The following HIVEP1 variants were observed in gnomAD, a reference collection of about 807,000 sequenced individuals.
HIVEP1 encodes the protein zinc finger protein 40.
In HIVEP1, 36 loss-of-function variants were observed where a neutral mutation model predicts 180.0. The ratio of observed to expected loss-of-function variants is 0.20; its 90% CI spans 0.15 to 0.26. The LOEUF (loss-of-function observed/expected upper bound fraction) is 0.26, where lower values mean the gene tolerates loss of function less well. HIVEP1 is among the 10% of genes least tolerant of loss of function. HIVEP1 has a pLI of 1.00. For synonymous variants in HIVEP1, 1,239 were observed against 1,239.0 expected (o/e 1.00, Z 0.00); for missense variants, 3,143 against 3,268.7 (o/e 0.96, Z 0.94).
chr6:12,178,133 A>G, the HIVEP1 span, among the ~76,000 whole-genome samples: 1 of 152,246 alleles, frequency 6.6e-6, no homozygotes, highest in Non-Finnish European at 1.5e-5. Context: ...ATCAAGAGGC[A>G]AAACTTTGGT....
At position 12,015,615 on chromosome 6, in the gene HIVEP1, C is replaced by T. The variant is rs1210796823; in HGVS notation, c.-14C>T. ...AGTTTTTAAGAAGAAAAAGAAGGCC[C>T]TGAGTCAAAGAAGATGCCTCGAACT... On this transcript the variant is annotated 5_prime_UTR_variant, in exon 2 of 9. Transcript: ENST00000379388. 3.7e-6 allele frequency: 6 copies of T among 1,612,680 alleles called. No individual in the cohort carries two copies. Among genetic ancestry groups the T allele is most frequent in the Non-Finnish European group, 3.4e-6 (4 of 1,179,096 alleles).
downstream of HIVEP1, among the ~76,000 whole-genome samples, chr6:12,167,982 CATGT>C (rs1414363446): frequency 2.5e-4 from 26 of 104,784 alleles, no homozygotes; most frequent in African/African-American, 9.5e-4. Context: ...TATACATGTA[CATGT>C]ATATATGTAT....
intron 3 of HIVEP1, among the ~76,000 whole-genome samples, chr6:12,116,365 C>G (rs1432267941): frequency 6.6e-6 from 1 of 152,122 alleles, no homozygotes; most frequent in Non-Finnish European, 1.5e-5. Context: ...CCACTCTGAG[C>G]TGTTCAGCCC....
At chr6:12,209,360 G>A in the HIVEP1 span, among the ~76,000 whole-genome samples, 2 of 152,176 alleles carry the variant, frequency 1.3e-5, no homozygotes, top group Non-Finnish European at 2.9e-5. Context: ...GTGAACCCGG[G>A]AGGCGGAGCT....
Position 12,130,883 on chromosome 6 carries a change from C to T in HIVEP1, c.6326C>T (p.Thr2109Ile). 6.2e-7 allele frequency: 1 copy of T among 1,613,164 alleles called. No individual in the cohort carries two copies. Among genetic ancestry groups the T allele is most frequent in the Non-Finnish European group, 8.5e-7 (1 of 1,179,264 alleles). ...AGCATGTTAAAGAAACACATACGAA[C>T]CCATACAGATGTCCGCCCCTACCAC... ...KPSMLKKHIRTHTDVRPYHCT... is the reference protein window; with the variant it reads ...KPSMLKKHIRIHTDVRPYHCT... The change falls in exon 6 of 9, where the codon ACC becomes ATC. Residue 2109 changes from threonine (T) to isoleucine (I), a missense_variant. Around this residue, in one of 12 missense-constraint regions of HIVEP1, gnomAD observed 126 missense variants for 168.5 expected, o/e 0.75. Coordinates refer to ENST00000379388, the MANE Select transcript of HIVEP1 (RefSeq NM_002114.4).
rs200273183 is a variant in HIVEP1 at position 12,122,437 on chromosome 6, C to T, written c.2642C>T (p.Ser881Leu). 16 of 1,614,186 alleles carry T rather than the reference C, an allele frequency of 9.9e-6. No individual in the cohort carries two copies. In the East Asian group the frequency reaches 1.3e-4, roughly 13 times the overall value. Reference sequence around the variant, plus strand: ...GCTTTCTATGATGATGTCTTTGTATCGGGACCTAACGCTCCTGTGCCCCAG... The same window carrying T: ...GCTTTCTATGATGATGTCTTTGTATTGGGACCTAACGCTCCTGTGCCCCAG... ...IGAFYDDVFVSGPNAPVPQSG... is the reference protein window; with the variant it reads ...IGAFYDDVFVLGPNAPVPQSG... The change falls in exon 4 of 9, where the codon TCG (serine) becomes TTG (leucine). Residue 881 changes from serine (S) to leucine (L), a missense_variant. Ser to Leu is a moderately radical substitution (Grantham distance 145). Around this residue, in one of 12 missense-constraint regions of HIVEP1, gnomAD observed 204 missense variants for 243.7 expected, o/e 0.84. Coordinates refer to ENST00000379388, the MANE Select transcript of HIVEP1 (RefSeq NM_002114.4).
intron 2 of HIVEP1, among the ~76,000 whole-genome samples, chr6:12,039,508 G>C (rs965495502): frequency 6.6e-6 from 1 of 152,156 alleles, no homozygotes; most frequent in African/African-American, 2.4e-5. Context: ...ATTTTCAGGG[G>C]TCATCCTCTG....
At chr6:12,161,291 C>T in intron 7 of HIVEP1, 148 bp from the exon 8 acceptor site, 1 of 739,598 alleles carries the variant, frequency 1.4e-6, no homozygotes, top group Non-Finnish European at 2.2e-6. Context: ...TCCCCAGGGC[C>T]TTCTCAGCCA....
chr6:12,095,525 T>C (rs1265490934), intron 3 of HIVEP1, among the ~76,000 whole-genome samples: 3 of 140,282 alleles, frequency 2.1e-5, no homozygotes, highest in Non-Finnish European at 3.1e-5. Context: ...ATGGGGATCT[T>C]ATTTATTTTT....
At chr6:12,010,533 G>A (rs1259953807), upstream of HIVEP1, among the ~76,000 whole-genome samples, 4 of 152,134 alleles carry the variant, frequency 2.6e-5, no homozygotes, top group Admixed American at 2.6e-4. Flanking sequence ...CAGATGGCCA[G>A]CTGTCTTAGT....
intron 7 of HIVEP1, among the ~76,000 whole-genome samples, chr6:12,151,272 G>GA (rs1229370428): frequency 3.3e-5 from 5 of 152,094 alleles, no homozygotes; most frequent in African/African-American, 1.2e-4. Flanking sequence ...AATGAGAGGG[G>GA]AATGTGGCTG....
At chr6:12,162,072 T>C (rs1384641453) in intron 8 of HIVEP1, 143 bp downstream of exon 8, 2 of 730,372 alleles carry the variant, frequency 2.7e-6, no homozygotes, top group Non-Finnish European at 4.4e-6. Context: ...TTTTCTTGTA[T>C]TTAAGGGTAG....
In HIVEP1 at chr6:12,164,066, G is replaced by A. The variant is rs888650407; in HGVS notation, c.7762G>A (p.Val2588Ile). The change falls in exon 9 of 9, where the codon GTA becomes ATA. Residue 2588 changes from valine (V) to isoleucine (I), a missense_variant. Val to Ile is a conservative substitution (Grantham distance 29). This residue lies in a region of HIVEP1 where 595 missense variants were observed against 602.2 expected (regional missense o/e 0.99). Coordinates refer to ENST00000379388, the MANE Select transcript of HIVEP1 (RefSeq NM_002114.4). ...CGAGACACAACCCAAGCAGACTTCT[G>A]TAGCCAGCGCAAACCAGGTCAGCAG... ...ACETQPKQTS[V>I]ASANQVSRTE... 1.2e-6 allele frequency: 2 copies of A among 1,614,162 alleles called. No homozygotes were observed. Among genetic ancestry groups the A allele is most frequent in the Admixed American group, 3.3e-5 (2 of 60,020 alleles).
the HIVEP1 span, among the ~76,000 whole-genome samples, chr6:12,201,547 A>C: frequency 6.6e-6 from 1 of 151,994 alleles, no homozygotes; most frequent in Admixed American, 6.6e-5. Context: ...CACGGTCTGT[A>C]GTATTGGAGA....
chr6:12,060,557 G>A (rs1771158803), intron 2 of HIVEP1, among the ~76,000 whole-genome samples: 1 of 151,676 alleles, frequency 6.6e-6, no homozygotes, highest in African/African-American at 2.4e-5. Flanking sequence ...CATAATGGAT[G>A]GCCTCTCTCT....
At position 12,012,320 on chromosome 6, in the gene HIVEP1, C is replaced by G. The variant is rs1767392055; in HGVS notation, c.-350C>G. 6.7e-6 allele frequency: 1 copy of G among 149,470 alleles called. No individual in the cohort carries two copies. The highest frequency in any genetic ancestry group is 2.4e-5 in the African/African-American group (1 of 41,160). 9.3% of individuals were successfully genotyped at this position (149,470 alleles called of 1,614,324 possible). A position where few individuals can be genotyped will look rare whatever the true frequency, so the allele number is the denominator to read the frequency against. ...TGCTGGGTGGTGTGAGCGCCAGTCGCCGGCCTTCAGCGTGGCGGCTGCTGG... is the reference window on the plus strand; with the variant it reads ...TGCTGGGTGGTGTGAGCGCCAGTCGGCGGCCTTCAGCGTGGCGGCTGCTGG... On this transcript the variant is annotated 5_prime_UTR_variant, in exon 1 of 9. Coordinates refer to ENST00000379388, the MANE Select transcript of HIVEP1 (RefSeq NM_002114.4).
chr6:12,195,562 G>C, the HIVEP1 span, among the ~76,000 whole-genome samples: 2 of 152,056 alleles, frequency 1.3e-5, no homozygotes, highest in African/African-American at 4.8e-5. Flanking sequence ...CAATTAACTG[G>C]TCCTATACAC....
At chr6:12,198,825 C>A in the HIVEP1 span, among the ~76,000 whole-genome samples, 25 of 152,310 alleles carry the variant, frequency 1.6e-4, no homozygotes, top group African/African-American at 4.8e-4. Flanking sequence ...AAATGTTAAT[C>A]TCATCTAAAA....
Position 12,121,041 on chromosome 6 carries a change from G to A in HIVEP1, c.1246G>A (p.Ala416Thr). 6.2e-7 allele frequency: 1 copy of A among 1,614,202 alleles called. No homozygotes were observed. The highest frequency in any genetic ancestry group is 8.5e-7 in the Non-Finnish European group (1 of 1,180,020). ...TTGTGAGTATTGCAATAGAGCATGT[G>A]CAAAGCCTAGTGTGCTTTTAAAGCA... ...YICEYCNRAC[A>T]KPSVLLKHIR... The change falls in exon 4 of 9, where the codon GCA (alanine) becomes ACA (threonine). Residue 416 changes from alanine (A) to threonine (T), a missense_variant. Ala to Thr is a moderately conservative substitution (Grantham distance 58). Around this residue, in one of 12 missense-constraint regions of HIVEP1, gnomAD observed 28 missense variants for 73.6 expected, o/e 0.38. Transcript: ENST00000379388. The surrounding 1 kb of genome is among the most constrained non-coding windows in gnomAD (Gnocchi z 5.3).
Sources: gnomAD v4.1 joint callset for allele counts (sites outside exome capture counted in the v4.1 genomes callset) on GRCh38, gnomAD v4.1.1 for gene constraint, gnomAD v4.1.1 regional missense constraint, Gnocchi (gnomAD v3.1) non-coding constraint, MANE v1.5 for transcripts, NCBI Gene and HGNC (gene_info 2026-07-23, HGNC 2026-07-21) for gene names.